The following EMP1 variants were observed in gnomAD, a reference collection of about 807,000 sequenced individuals.
EMP1 encodes epithelial membrane protein 1, also known as tumor-associated membrane protein.
Under a neutral mutation model 15.7 loss-of-function variants are expected in EMP1, and 5 were observed. The ratio of observed to expected loss-of-function variants is 0.32; its 90% CI spans 0.17 to 0.67. The LOEUF is 0.67. Among genes scored for constraint, EMP1 ranks in the 30% least tolerant of loss-of-function variants. EMP1 has a pLI of 0.74. For synonymous variants in EMP1, 78 were observed against 76.7 expected, an observed-to-expected ratio of 1.02 and a Z score of -0.09; for missense variants, 166 against 194.2, an observed-to-expected ratio of 0.85 and a Z score of 0.86.
At chr12:13,212,806 CT>C (rs1300914812) in intron 2 of EMP1, among the ~76,000 whole-genome samples, 2 of 152,318 alleles carry the variant, frequency 1.3e-5, no homozygotes, top group South Asian at 2.1e-4. Flanking sequence ...AGGATAATTC[CT>C]TTTCTTGGGC....
intron 1 of EMP1, chr12:13,199,412 C>T (rs547487522): frequency 3.3e-5 from 5 of 152,436 alleles, no homozygotes; most frequent in Admixed American, 2.0e-4. Context: ...ACAGGGACTA[C>T]TGGAGAGAGA....
chr12:13,205,971 G>A (rs1714901586), intron 1 of EMP1, among the ~76,000 whole-genome samples: 1 of 152,196 alleles, frequency 6.6e-6, no homozygotes, highest in African/African-American at 2.4e-5. Context: ...AGGTTCTTGA[G>A]CAGGGGAGTG....
rs1246304239 is a variant in EMP1, at chr12:13,211,146, CACAA to C, written c.-42-317_-42-314del. 2.6e-5 allele frequency among the ~76,000 whole-genome samples: 4 copies of C among 152,286 alleles called. No individual in the cohort carries two copies. The highest frequency in any genetic ancestry group is 4.1e-4 in the South Asian group (2 of 4,828). On this transcript the variant is annotated intron_variant, in intron 1 of 4. Transcript: ENST00000256951. This position sits in a 1 kb window ranked among gnomAD's most constrained non-coding sequence, Gnocchi z 4.7. ...AAAGTCCTATTTTTAACCTCTAAAACACAAACAAAATAAAATACGAACAGTTATC... is the reference window on the plus strand; with the variant it reads ...AAAGTCCTATTTTTAACCTCTAAAACACAAAATAAAATACGAACAGTTATC...
chr12:13,214,115 A>G, intron 4 of EMP1: 1 of 613,432 alleles, frequency 1.6e-6, no homozygotes, highest in Non-Finnish European at 2.9e-6. Context: ...AGGAGTTCTC[A>G]GAAAGATGAA....
chr12:13,204,001 A>G (rs930434742), intron 1 of EMP1, among the ~76,000 whole-genome samples: 1 of 152,218 alleles, frequency 6.6e-6, no homozygotes, highest in Non-Finnish European at 1.5e-5. Context: ...TTGCTGTATA[A>G]TAACCCCCAT....
intron 1 of EMP1, among the ~76,000 whole-genome samples, chr12:13,206,981 A>G (rs1232074894): frequency 6.6e-6 from 1 of 151,850 alleles, no homozygotes; most frequent in African/African-American, 2.4e-5. Context: ...AGAGGGAGGC[A>G]AGAAGCCAAT....
intron 1 of EMP1, among the ~76,000 whole-genome samples, chr12:13,201,594 A>C (rs1864066682): frequency 6.6e-6 from 1 of 152,206 alleles, no homozygotes; most frequent in Non-Finnish European, 1.5e-5. Flanking sequence ...GGCATTTTGC[A>C]GAGGATTCTC....
At chr12:13,212,713 G>A (rs1287144705) in intron 2 of EMP1, among the ~76,000 whole-genome samples, 1 of 152,240 alleles carries the variant, frequency 6.6e-6, no homozygotes, top group Admixed American at 6.5e-5. Context: ...TGGCGTAGGT[G>A]ATGCATGTTC....
intron 1 of EMP1, among the ~76,000 whole-genome samples, chr12:13,201,797 A>T (rs1864068412): frequency 1.3e-5 from 2 of 152,200 alleles, no homozygotes; most frequent in Admixed American, 1.3e-4. Flanking sequence ...GAGTCTGTGA[A>T]GACATTGACA....
chr12:13,205,932 AT>A (rs1864107155), intron 1 of EMP1, among the ~76,000 whole-genome samples: 1 of 152,068 alleles, frequency 6.6e-6, no homozygotes, highest in Non-Finnish European at 1.5e-5. Context: ...TTTCCTGCTG[AT>A]TGGTGGTGGT....
chr12:13,198,285 T>C (rs1864032266), intron 1 of EMP1, among the ~76,000 whole-genome samples: 1 of 152,168 alleles, frequency 6.6e-6, no homozygotes. Context: ...TTTTTTCGGT[T>C]AGCATTTTGG....
chr12:13,210,465 C>T (rs1421693735), intron 1 of EMP1, among the ~76,000 whole-genome samples: 1 of 152,200 alleles, frequency 6.6e-6, no homozygotes, highest in African/African-American at 2.4e-5. Context: ...TCCTTTATTT[C>T]CTAGGCTTTA....
chr12:13,198,576 C>T (rs1376531921), intron 1 of EMP1, among the ~76,000 whole-genome samples: 1 of 152,152 alleles, frequency 6.6e-6, no homozygotes, highest in Non-Finnish European at 1.5e-5. Flanking sequence ...TTATTATTTC[C>T]ACATTACATG....
chr12:13,214,495 G>A (rs751754219), intron 4 of EMP1, 39 bp from the exon 5 acceptor site: 14 of 1,599,836 alleles, frequency 8.8e-6, no homozygotes, highest in Middle Eastern at 1.7e-4. Flanking sequence ...CGACTTTAAT[G>A]TAAGAAAACA....
rs1165522147 is a variant in EMP1, at chr12:13,211,758, G to A, written c.78+170G>A. ...CCCTTCAAACAATTAAATAACAGGA[G>A]GATAAAAGTGAATGTCCACAGGAGT... On this transcript the variant is annotated intron_variant, in intron 2 of 4. Transcript: ENST00000256951. This position sits in a 1 kb window ranked among gnomAD's most constrained non-coding sequence, Gnocchi z 4.7. The A allele has an allele frequency of 4.4e-6, 3 of 687,522 alleles. No homozygotes were observed. The highest frequency in any genetic ancestry group is 1.8e-5 in the African/African-American group (1 of 55,536). 42.6% of individuals were successfully genotyped at this position (687,522 alleles called of 1,614,324 possible).
rs1864232830 is a variant in EMP1, at chr12:13,218,399, G to T, written c.*3708G>T. On this transcript the variant is annotated 3_prime_UTR_variant, in exon 5 of 5. Transcript: ENST00000256951. ...ATAGCATATCCTGTATAGATGAAAT[G>T]TCCTAGCGAAAATGTTTAAATGTAT... 6.6e-6 allele frequency: 1 copy of T among 152,186 alleles called. No homozygotes were observed. Among genetic ancestry groups the T allele is most frequent in the African/African-American group, 2.4e-5 (1 of 41,438 alleles). 9.4% of individuals were successfully genotyped at this position (152,186 alleles called of 1,614,324 possible).
chr12:13,211,662 T>A lies in EMP1; in HGVS notation c.78+74T>A, dbSNP rs1864166065. On this transcript the variant is annotated intron_variant, in intron 2 of 4. Transcript: ENST00000256951. This position sits in a 1 kb window ranked among gnomAD's most constrained non-coding sequence, Gnocchi z 4.7. ...ATTTACATCAAGTGCACAAAAGAAGTTTAAGCCACAGCCCTTGCCCTTCAT... is the reference window on the plus strand; with the variant it reads ...ATTTACATCAAGTGCACAAAAGAAGATTAAGCCACAGCCCTTGCCCTTCAT... 6.4e-7 allele frequency: 1 copy of A among 1,550,416 alleles called. No homozygotes were observed. Among genetic ancestry groups the A allele is most frequent in the Admixed American group, 1.7e-5 (1 of 58,950 alleles).
Position 13,200,867 on chromosome 12 carries a change from G to A in EMP1, c.-43+3995G>A, listed in dbSNP as rs567908676. Among the ~76,000 whole-genome samples the A allele has an allele frequency of 5.3e-5, 8 of 152,272 alleles. No individual in the cohort carries two copies. The East Asian group carries it at 5.8e-4, about 11-fold the overall frequency. On this transcript the variant is annotated intron_variant, in intron 1 of 4. Coordinates refer to ENST00000256951, the MANE Select transcript of EMP1 (RefSeq NM_001423.3). ...CTGCTGTTGGTGCGCTTGGACTTAC[G>A]TGGCTGTGACAGTTTTTCTATTTGC...
intron 1 of EMP1, among the ~76,000 whole-genome samples, chr12:13,198,680 G>C (rs1864035695): frequency 6.6e-6 from 1 of 152,172 alleles, no homozygotes; most frequent in African/African-American, 2.4e-5. Context: ...CTAATAACCA[G>C]TCAACACACG....
Sources: allele counts gnomAD v4.1 joint callset (sites outside exome capture counted in the v4.1 genomes callset), GRCh38; gene constraint gnomAD v4.1.1; non-coding constraint Gnocchi (gnomAD v3.1); transcripts MANE v1.5; gene names NCBI Gene and HGNC (gene_info 2026-07-23, HGNC 2026-07-21).